SH3TC2: variants seen among roughly 807,000 people sequenced by gnomAD.
SH3TC2 encodes the protein SH3 domain and tetratricopeptide repeat-containing protein 2.
In SH3TC2, 87 loss-of-function variants were observed where a neutral mutation model predicts 124.5. The observed-to-expected ratio is 0.70, with a 90% CI of 0.59 to 0.84. SH3TC2 has a LOEUF of 0.84. SH3TC2 is among the 40% of genes least tolerant of loss of function. The pLI, the probability that SH3TC2 is intolerant of heterozygous loss-of-function variation, is 0.00. For missense variants in SH3TC2, 1,536 were observed against 1,566.4 expected, an observed-to-expected ratio of 0.98 and a Z score of 0.33; for synonymous variants, 634 against 628.5, an observed-to-expected ratio of 1.01 and a Z score of -0.13.
rs1053245992 is a variant in SH3TC2, at chr5:149,001,173, C to T, written c.*3538G>A. ...CAAAGAGGAAGAAAATGAACACACA[C>T]ACACACACATACATATATATACACA... On this transcript the variant is annotated 3_prime_UTR_variant, in exon 17 of 17. Transcript: ENST00000515425. Among the ~76,000 whole-genome samples the T allele has an allele frequency of 6.6e-6, 1 of 152,124 alleles. No individual in the cohort carries two copies. Among genetic ancestry groups the T allele is most frequent in the Admixed American group, 6.6e-5 (1 of 15,262 alleles).
intron 4 of SH3TC2, 140 bp downstream of exon 4, chr5:149,044,393 A>G (rs1249234707): frequency 1.5e-6 from 1 of 678,704 alleles, no homozygotes; most frequent in Non-Finnish European, 2.6e-6. Flanking sequence ...GCACTTTGTG[A>G]AATTTCAAAA....
At position 149,026,850 on chromosome 5, in the gene SH3TC2, A is replaced by C; in HGVS notation, c.2872+10T>G. 6.2e-7 allele frequency: 1 copy of C among 1,614,216 alleles called. No homozygotes were observed. Among genetic ancestry groups the C allele is most frequent in the Non-Finnish European group, 8.5e-7 (1 of 1,180,040 alleles). The stretch of plus-strand genomic sequence containing the variant: ...CTCTATAGCTTCCCAGCAGCATGGG[A>C]CATACTTACTCTTTAGATGTCGATG... On this transcript the variant is annotated intron_variant, in intron 11 of 16. Coordinates refer to ENST00000515425, the MANE Select transcript of SH3TC2 (RefSeq NM_024577.4).
chr5:149,019,876 A>G (rs146306814), intron 12 of SH3TC2, among the ~76,000 whole-genome samples: 16 of 152,254 alleles, frequency 1.1e-4, no homozygotes, highest in Non-Finnish European at 2.1e-4. Context: ...GAAGGAGACA[A>G]TGAGCTTGAA....
rs951974084 is a variant in SH3TC2 at position 148,989,845 on chromosome 5, G to A, written c.*14866C>T. On this transcript the variant is annotated 3_prime_UTR_variant, in exon 17 of 17. Transcript: ENST00000515425. ...AGAGAGAAGAACTATATAGCAACCA[G>A]GACATTTGGGAAATGTCCCTATGAA... Among the ~76,000 whole-genome samples the A allele has an allele frequency of 6.6e-6, 1 of 152,106 alleles. No homozygotes were observed. The highest frequency in any genetic ancestry group is 1.5e-5 in the Non-Finnish European group (1 of 68,032).
chr5:149,023,544 C>A (rs1324117479), intron 12 of SH3TC2, among the ~76,000 whole-genome samples: 2 of 149,148 alleles, frequency 1.3e-5, no homozygotes, highest in African/African-American at 5.0e-5. Context: ...GGAAGGGGAC[C>A]TTTATTTTTC....
chr5:149,038,441 A>G lies in SH3TC2; in HGVS notation c.855T>C (p.Asp285=), dbSNP rs773193703. The G allele has an allele frequency of 1.1e-5, 17 of 1,614,034 alleles. No homozygotes were observed. The highest frequency in any genetic ancestry group is 1.3e-5 in the African/African-American group (1 of 74,904). ...ALTGYEPGEK[D]ELNFYQGESI... is the part of the protein sequence containing the mutation. The stretch of plus-strand genomic sequence containing the variant: ...TTTCTCCCTGGTAGAAATTCAGTTC[A>G]TCCTTTTCTCCTGGCTCATAACCCG... The change falls in exon 8 of 17, where the codon GAT becomes GAC. Residue 285 remains aspartate (D), a synonymous_variant. Transcript: ENST00000515425.
At chr5:149,048,031 A>G in intron 2 of SH3TC2, 42 bp from the exon 3 acceptor site, 1 of 1,611,940 alleles carries the variant, frequency 6.2e-7, no homozygotes, top group Non-Finnish European at 8.5e-7. Flanking sequence ...TGAAAATAGA[A>G]TAAAAAGGAA....
intron 12 of SH3TC2, among the ~76,000 whole-genome samples, chr5:149,023,665 C>A (rs1350023940): frequency 2.0e-5 from 3 of 148,460 alleles, no homozygotes; most frequent in Non-Finnish European, 4.4e-5. Context: ...CTCACTGCAA[C>A]CTCACCTCCT....
At position 148,983,794 on chromosome 5, in the gene SH3TC2, T is replaced by C. The variant is rs1210374638; in HGVS notation, c.*20917A>G. 6.6e-6 allele frequency among the ~76,000 whole-genome samples: 1 copy of C among 152,184 alleles called. No homozygotes were observed. Among genetic ancestry groups the C allele is most frequent in the Non-Finnish European group, 1.5e-5 (1 of 68,032 alleles). On this transcript the variant is annotated 3_prime_UTR_variant, in exon 17 of 17. Coordinates refer to ENST00000515425, the MANE Select transcript of SH3TC2 (RefSeq NM_024577.4). ...AGTGCTAGGGAATAAGACACTCTTT[T>C]TTCTGTTCCAGTCAAACACAGGGGA...
rs546504765 is a variant in SH3TC2, at chr5:149,042,473, C to T, written c.529+221G>A. Among the ~76,000 whole-genome samples the T allele has an allele frequency of 2.0e-5, 3 of 152,302 alleles. No individual in the cohort carries two copies. The East Asian group carries it at 5.8e-4, about 29-fold the overall frequency. ...GGGTATCTTAGTAAAACTCTCCAAG[C>T]AGTTCTAACATCAATCAGTGAGACT... On this transcript the variant is annotated intron_variant, in intron 5 of 16. Coordinates refer to ENST00000515425, the MANE Select transcript of SH3TC2 (RefSeq NM_024577.4).
chr5:149,050,496 G>T (rs1429257625), intron 2 of SH3TC2, among the ~76,000 whole-genome samples: 2 of 152,190 alleles, frequency 1.3e-5, no homozygotes, highest in Non-Finnish European at 2.9e-5. Flanking sequence ...TTCACCTACA[G>T]ATACCCTTTG....
chr5:149,049,466 G>A (rs1754520572), intron 2 of SH3TC2, among the ~76,000 whole-genome samples: 2 of 152,128 alleles, frequency 1.3e-5, no homozygotes, highest in African/African-American at 4.8e-5. Flanking sequence ...ATCCCACAGG[G>A]GTTTTAAGAT....
intron 12 of SH3TC2, among the ~76,000 whole-genome samples, chr5:149,015,264 T>TA (rs897816410): frequency 2.6e-5 from 4 of 152,102 alleles, no homozygotes; most frequent in Admixed American, 6.6e-5. Flanking sequence ...TGATCTCCAG[T>TA]AAAAAAACAA....
At position 148,985,709 on chromosome 5, in the gene SH3TC2, T is replaced by C. The variant is rs546701780; in HGVS notation, c.*19002A>G. Among the ~76,000 whole-genome samples the C allele has an allele frequency of 9.8e-4, 149 of 152,326 alleles. No individual in the cohort carries two copies. The Middle Eastern group carries it at 0.01, about 10-fold the overall frequency. The stretch of plus-strand genomic sequence containing the variant: ...TTGTATACATAAGTTTTCATTTCTT[T>C]GATATAAATACCTAGGAGTAGCAAT... On this transcript the variant is annotated 3_prime_UTR_variant, in exon 17 of 17. Coordinates refer to ENST00000515425, the MANE Select transcript of SH3TC2 (RefSeq NM_024577.4).
At position 149,044,568 on chromosome 5, in the gene SH3TC2, T is replaced by C. The variant is rs767437524; in HGVS notation, c.350A>G (p.Glu117Gly). ...GTAGGTGGAGAACTTCCAGATTTCC[T>C]CCATGGTCTTGAAGGTGATGAGAAA... ...AQFLITFKTM[E>G]EIWKFSTYLN... The change falls in exon 4 of 17, where the codon GAG becomes GGG. Residue 117 changes from glutamate to glycine, a missense_variant. Physicochemically the swap from Glu to Gly is moderately conservative, Grantham distance 98 (BLOSUM62 -2). Transcript: ENST00000515425. 6.2e-7 allele frequency: 1 copy of C among 1,614,010 alleles called. No individual in the cohort carries two copies. Among genetic ancestry groups the C allele is most frequent in the Non-Finnish European group, 8.5e-7 (1 of 1,179,942 alleles).
rs762676512 is a variant in SH3TC2 at position 149,008,932 on chromosome 5, T to A, written c.3397A>T (p.Thr1133Ser). 10 of 1,614,130 alleles carry A rather than the reference T, an allele frequency of 6.2e-6. No individual in the cohort carries two copies. The Admixed American group carries it at 1.5e-4, about 24-fold the overall frequency. Residue 1133 changes from threonine (T) to serine (S), a missense_variant, in exon 15 of 17, where the codon ACA (threonine) becomes TCA (serine). By Grantham distance (58) the Thr-to-Ser change is moderately conservative. Around this residue, in one of 3 missense-constraint regions of SH3TC2, gnomAD observed 426 missense variants for 443.5 expected, o/e 0.96. Coordinates refer to ENST00000515425, the MANE Select transcript of SH3TC2 (RefSeq NM_024577.4). ...RTELRIFNKLTELQISLEGYE... is the reference protein window; with the variant it reads ...RTELRIFNKLSELQISLEGYE... ...CCTTCGAGGCTAATCTGCAGCTCTG[T>A]CAGCTTATTGAAAATCCGGAGCTCA...
intron 1 of SH3TC2, among the ~76,000 whole-genome samples, chr5:149,055,367 G>T (rs1262898211): frequency 6.6e-6 from 1 of 151,930 alleles, no homozygotes; most frequent in African/African-American, 2.4e-5. Flanking sequence ...TGGGCAAAAG[G>T]CTTGAATAAA....
In SH3TC2 at chr5:149,001,869, G is replaced by GTA. The variant is rs1753603852; in HGVS notation, c.*2840_*2841dup. Reference sequence around the variant, plus strand: ...AACAACGCTCTTCACGTATGTGTGTGTATGTGTATGCATATGCAAATGCAT... The same window carrying GTA: ...AACAACGCTCTTCACGTATGTGTGTGTATATGTGTATGCATATGCAAATGCAT... On this transcript the variant is annotated 3_prime_UTR_variant, in exon 17 of 17. Coordinates refer to ENST00000515425, the MANE Select transcript of SH3TC2 (RefSeq NM_024577.4). The GTA allele has an allele frequency of 6.6e-6, 1 of 152,222 alleles. No homozygotes were observed. The highest frequency in any genetic ancestry group is 2.1e-4 in the South Asian group (1 of 4,834). 9.4% of individuals were successfully genotyped at this position (152,222 alleles called of 1,614,324 possible). A position where few individuals can be genotyped will look rare whatever the true frequency, so the allele number is the denominator to read the frequency against.
chr5:149,026,549 G>T, intron 12 of SH3TC2, 23 bp downstream of exon 12: 1 of 1,612,912 alleles, frequency 6.2e-7, no homozygotes, highest in Non-Finnish European at 8.5e-7. Context: ...CTGCTTCTAG[G>T]ACAGTTCCTG....
Sources: allele counts gnomAD v4.1 joint callset (sites outside exome capture counted in the v4.1 genomes callset), GRCh38; gene constraint gnomAD v4.1.1; regional missense constraint gnomAD v4.1.1; transcripts MANE v1.5; gene names NCBI Gene and HGNC (gene_info 2026-07-23, HGNC 2026-07-21).